Variants in TTYH2 observed in about 807,000 individuals in gnomAD.
TTYH2 encodes protein tweety homolog 2.
TTYH2 carries 49 observed loss-of-function variants against 68.3 expected under a neutral mutation model. The ratio of observed to expected loss-of-function variants is 0.72; its 90% CI spans 0.57 to 0.91. The LOEUF (loss-of-function observed/expected upper bound fraction) is 0.91. Among genes scored for constraint, TTYH2 ranks in the 40% least tolerant of loss-of-function variants. TTYH2 has a pLI of 0.00. For synonymous variants in TTYH2, 272 were observed against 300.8 expected, an observed-to-expected ratio of 0.90 and a Z score of 0.99; for missense variants, 631 against 700.4, an observed-to-expected ratio of 0.90 and a Z score of 1.12.
At chr17:74,242,949 C>T (rs1027824843) in intron 4 of TTYH2, among the ~76,000 whole-genome samples, 4 of 152,054 alleles carry the variant, frequency 2.6e-5, no homozygotes, top group African/African-American at 9.7e-5. Flanking sequence ...GGGTGGTAGC[C>T]CCAGCCATGT....
At position 74,241,471 on chromosome 17, in the gene TTYH2, C is replaced by A. The variant is rs1328081369; in HGVS notation, c.636-1903C>A. Among the ~76,000 whole-genome samples, 1 of 152,130 alleles carries A rather than the reference C, an allele frequency of 6.6e-6. No individual in the cohort carries two copies. The highest frequency in any genetic ancestry group is 2.4e-5 in the African/African-American group (1 of 41,416). ...GACCTAGTGTGTGCTGCCCCCTGCT[C>A]GTGCAGAGACAAGGACTTTGATTAG... On this transcript the variant is annotated intron_variant, in intron 4 of 13. Transcript: ENST00000269346. The surrounding 1 kb of genome is among the most constrained non-coding windows in gnomAD (Gnocchi z 4.1).
rs2050194334 is a variant in TTYH2, at chr17:74,213,728, C to T, written c.129+12C>T. On this transcript the variant is annotated intron_variant, in intron 1 of 13. Coordinates refer to ENST00000269346, the MANE Select transcript of TTYH2 (RefSeq NM_032646.6). The surrounding 1 kb of genome is among the most constrained non-coding windows in gnomAD (Gnocchi z 6.1). The stretch of plus-strand genomic sequence containing the variant: ...AGAGTTACCAGGAGGTAAGTTTACG[C>T]CGCCCCAGACCGCAGCCACGCGCGC... 1.3e-5 allele frequency: 21 copies of T among 1,606,654 alleles called. No homozygotes were observed. The highest frequency in any genetic ancestry group is 1.8e-5 in the Non-Finnish European group (21 of 1,176,428).
chr17:74,237,073 ATT>A (rs1431623023), intron 3 of TTYH2, among the ~76,000 whole-genome samples: 1 of 150,664 alleles, frequency 6.6e-6, no homozygotes, highest in African/African-American at 2.5e-5. Context: ...ATTTTTATAT[ATT>A]TTTTTGTAGA....
Position 74,253,234 on chromosome 17 carries a change from G to C in TTYH2, c.1413G>C (p.Gln471His). Residue 471 changes from glutamine (Q) to histidine (H), a missense_variant, in exon 12 of 14, where the codon CAG becomes CAC. Coordinates refer to ENST00000269346, the MANE Select transcript of TTYH2 (RefSeq NM_032646.6). ...GSQTSLQPPA[Q>H]TISNAPVSEY... Reference sequence around the variant, plus strand: ...AGACCAGCCTGCAGCCCCCGGCCCAGACCATCTCCAACGCCCCTGTCTCCG... The same window carrying C: ...AGACCAGCCTGCAGCCCCCGGCCCACACCATCTCCAACGCCCCTGTCTCCG... 2 of 1,607,968 alleles carry C rather than the reference G, an allele frequency of 1.2e-6. No individual in the cohort carries two copies. Among genetic ancestry groups the C allele is most frequent in the South Asian group, 2.2e-5 (2 of 90,380 alleles).
chr17:74,255,487 T>G (rs1340532242), intron 13 of TTYH2, among the ~76,000 whole-genome samples: 2 of 152,166 alleles, frequency 1.3e-5, no homozygotes, highest in Non-Finnish European at 2.9e-5. Flanking sequence ...AGTCTCACTC[T>G]TCTGCCCAGG....
chr17:74,254,224 G>A (rs1462552284), intron 13 of TTYH2, among the ~76,000 whole-genome samples: 2 of 151,926 alleles, frequency 1.3e-5, no homozygotes, highest in Non-Finnish European at 2.9e-5. Context: ...TGCCCAGGCT[G>A]GGGTGCAGTG....
At chr17:74,231,552 G>A (rs968021135) in intron 3 of TTYH2, among the ~76,000 whole-genome samples, 2 of 152,056 alleles carry the variant, frequency 1.3e-5, no homozygotes, top group Non-Finnish European at 2.9e-5. Context: ...GCCAGTTGTG[G>A]TGTGGTTCCA....
At chr17:74,250,633 G>A (rs1165939546) in intron 10 of TTYH2, 1 of 370,286 alleles carries the variant, frequency 2.7e-6, no homozygotes, top group Non-Finnish European at 4.9e-6. Context: ...ATGCAAGGGA[G>A]GCTGTTCCCC....
intron 1 of TTYH2, among the ~76,000 whole-genome samples, chr17:74,220,519 C>T (rs1383115385): frequency 6.6e-6 from 1 of 152,198 alleles, no homozygotes; most frequent in African/African-American, 2.4e-5. Context: ...AGGAAAGAGG[C>T]TCTCAACTCC....
intron 2 of TTYH2, among the ~76,000 whole-genome samples, chr17:74,223,685 A>C (rs1270357313): frequency 6.6e-6 from 1 of 152,156 alleles, no homozygotes; most frequent in Non-Finnish European, 1.5e-5. Context: ...TGATTTTTCC[A>C]AAAGCCTCTA....
At chr17:74,233,066 C>G (rs1367407704) in intron 3 of TTYH2, among the ~76,000 whole-genome samples, 2 of 152,222 alleles carry the variant, frequency 1.3e-5, no homozygotes. Context: ...AGATCAGCCC[C>G]TCGTCCTCTC....
At chr17:74,248,781 A>AT in intron 6 of TTYH2, 1 of 1,410,154 alleles carries the variant, frequency 7.1e-7, no homozygotes, top group Non-Finnish European at 9.2e-7. Context: ...TATCATCTCC[A>AT]TGTCACAGAT....
chr17:74,237,195 G>T (rs988062285), intron 3 of TTYH2, 99 bp from the exon 4 acceptor site: 1 of 1,190,056 alleles, frequency 8.4e-7, no homozygotes, highest in Non-Finnish European at 1.2e-6. Flanking sequence ...CGTAATTATC[G>T]CACCTGGCCA....
In TTYH2 at chr17:74,232,589, G is replaced by T. The variant is rs559848941; in HGVS notation, c.414+1590G>T. On this transcript the variant is annotated intron_variant, in intron 3 of 13. Coordinates refer to ENST00000269346, the MANE Select transcript of TTYH2 (RefSeq NM_032646.6). This position sits in a 1 kb window ranked among gnomAD's most constrained non-coding sequence, Gnocchi z 5.1. ...ACTCTCCCTCTGGGCACCCACCCTT[G>T]CCCCAGGCCCTGGTGGGGAAGGGCC... Among the ~76,000 whole-genome samples, 5 of 152,114 alleles carry T rather than the reference G, an allele frequency of 3.3e-5. No homozygotes were observed. Among genetic ancestry groups the T allele is most frequent in the Non-Finnish European group, 5.9e-5 (4 of 67,990 alleles).
At chr17:74,233,287 C>A (rs1365439982) in intron 3 of TTYH2, among the ~76,000 whole-genome samples, 1 of 152,140 alleles carries the variant, frequency 6.6e-6, no homozygotes, top group Non-Finnish European at 1.5e-5. Flanking sequence ...AGTGGACACC[C>A]AGCACACCAG....
At chr17:74,235,377 C>A (rs1189178310) in intron 3 of TTYH2, among the ~76,000 whole-genome samples, 1 of 152,236 alleles carries the variant, frequency 6.6e-6, no homozygotes, top group Admixed American at 6.5e-5. Flanking sequence ...CTGCCCCACT[C>A]CCGGCCCGTT....
At position 74,260,191 on chromosome 17, in the gene TTYH2, G is replaced by T. The variant is rs759303957; in HGVS notation, c.1587G>T (p.Gly529=). 1.2e-6 allele frequency: 2 copies of T among 1,613,852 alleles called. No individual in the cohort carries two copies. The highest frequency in any genetic ancestry group is 1.3e-5 in the African/African-American group (1 of 74,920). Residue 529 remains glycine, a synonymous_variant, in exon 14 of 14, where the codon GGG becomes GGT. Coordinates refer to ENST00000269346, the MANE Select transcript of TTYH2 (RefSeq NM_032646.6). ...CGGATGAGCACCTGAGGCACTACGG[G>T]AATCAGTTTCCAGCCTAACAGACTT... is the stretch of plus-strand genomic sequence containing the variant. ...SVADEHLRHY[G]NQFPA is the part of the protein sequence containing the mutation.
rs1052555457 is a variant in TTYH2, at chr17:74,261,183, G to A, written c.*974G>A. 5 of 152,416 alleles carry A rather than the reference G, an allele frequency of 3.3e-5. No individual in the cohort carries two copies. Among genetic ancestry groups the A allele is most frequent in the Non-Finnish European group, 1.5e-5 (1 of 68,034 alleles). The allele number at this position is 152,416 out of a possible 1,614,324, so 9.4% of individuals were successfully genotyped here. ...GGAGATCTGCAGATCTGGAGGAGAC[G>A]GGAAGGAGTCGATTCTTAAATAAGG... is the stretch of plus-strand genomic sequence containing the variant. On this transcript the variant is annotated 3_prime_UTR_variant, in exon 14 of 14. Transcript: ENST00000269346.
chr17:74,237,155 C>T, intron 3 of TTYH2, 139 bp from the exon 4 acceptor site: 3 of 816,570 alleles, frequency 3.7e-6, no homozygotes, highest in Non-Finnish European at 2.0e-6. Flanking sequence ...CTGCCTCAGC[C>T]TCCCGAAGTG....
Sources: gnomAD v4.1 joint callset for allele counts (sites outside exome capture counted in the v4.1 genomes callset) on GRCh38, gnomAD v4.1.1 for gene constraint, Gnocchi (gnomAD v3.1) non-coding constraint, MANE v1.5 for transcripts, NCBI Gene and HGNC (gene_info 2026-07-23, HGNC 2026-07-21) for gene names.